Variants in BMPR1B observed in about 807,000 individuals in gnomAD.
The protein encoded by BMPR1B is bone morphogenetic protein receptor type-1B.
Under a neutral mutation model 59.1 loss-of-function variants are expected in BMPR1B, and 12 were observed. The ratio of observed to expected loss-of-function variants is 0.20; its 90% CI spans 0.13 to 0.33. The LOEUF (loss-of-function observed/expected upper bound fraction) is 0.33. Among genes scored for constraint, BMPR1B ranks in the 10% least tolerant of loss-of-function variants. BMPR1B has a pLI of 1.00. For missense variants in BMPR1B, 550 were observed against 610.9 expected, an observed-to-expected ratio of 0.90 and a Z score of 1.05; for synonymous variants, 237 against 207.3, an observed-to-expected ratio of 1.14 and a Z score of -1.23.
chr4:95,042,504 T>C lies in BMPR1B; in HGVS notation c.-18+46370T>C, dbSNP rs1037225529. On this transcript the variant is annotated intron_variant, in intron 3 of 12. Coordinates refer to ENST00000515059, the MANE Select transcript of BMPR1B (RefSeq NM_001203.3). ...GTGAAACATAAATGAATTTCATGTT[T>C]ACCCTTGGGTCCCATCCCCAAGATA... is the stretch of plus-strand genomic sequence containing the variant. Among the ~76,000 whole-genome samples, 6 of 152,344 alleles carry C rather than the reference T, an allele frequency of 3.9e-5. No individual in the cohort carries two copies. In the East Asian group the frequency reaches 1.2e-3, roughly 29 times the overall value.
At chr4:95,036,305 A>G (rs974454185) in intron 3 of BMPR1B, among the ~76,000 whole-genome samples, 3 of 152,014 alleles carry the variant, frequency 2.0e-5, no homozygotes, top group African/African-American at 7.2e-5. Context: ...ATTTTAAATT[A>G]ATTTCTCTCT....
chr4:94,950,131 G>A (rs185342196), intron 2 of BMPR1B, among the ~76,000 whole-genome samples: 2 of 151,972 alleles, frequency 1.3e-5, no homozygotes, highest in South Asian at 4.1e-4. Flanking sequence ...ACTTTTTGAT[G>A]GGGTTGTTTT....
chr4:94,841,373 T>G (rs926691141), intron 1 of BMPR1B, among the ~76,000 whole-genome samples: 17 of 150,532 alleles, frequency 1.1e-4, no homozygotes, highest in Non-Finnish European at 4.5e-5. Context: ...CGCTGCCGCC[T>G]TGCAGTTTGA....
chr4:94,841,932 C>T (rs946977408), intron 1 of BMPR1B, among the ~76,000 whole-genome samples: 1 of 152,094 alleles, frequency 6.6e-6, no homozygotes. Flanking sequence ...CTTAAAGGGA[C>T]TGACTGCTGG....
intron 2 of BMPR1B, among the ~76,000 whole-genome samples, chr4:94,983,095 C>A (rs1246600494): frequency 6.6e-6 from 1 of 152,078 alleles, no homozygotes; most frequent in Non-Finnish European, 1.5e-5. Context: ...AATGCTCTTC[C>A]TACAGGTCTT....
intron 1 of BMPR1B, among the ~76,000 whole-genome samples, chr4:94,852,838 T>C (rs1725617586): frequency 6.6e-6 from 1 of 152,214 alleles, no homozygotes; most frequent in Non-Finnish European, 1.5e-5. Context: ...GAAACATATT[T>C]CTGTTCTTAG....
chr4:95,135,001 C>T (rs1030785999), intron 10 of BMPR1B, among the ~76,000 whole-genome samples: 1 of 152,202 alleles, frequency 6.6e-6, no homozygotes, highest in Non-Finnish European at 1.5e-5. Context: ...TTAGGTCTCA[C>T]ATTTAAATCT....
At chr4:95,009,374 A>T (rs750502344) in intron 3 of BMPR1B, among the ~76,000 whole-genome samples, 3 of 152,208 alleles carry the variant, frequency 2.0e-5, no homozygotes, top group Non-Finnish European at 4.4e-5. Flanking sequence ...AGAAATCTGG[A>T]AACAACCCAA....
intron 2 of BMPR1B, among the ~76,000 whole-genome samples, chr4:94,886,703 C>T (rs1191327921): frequency 1.3e-5 from 2 of 152,152 alleles, no homozygotes; most frequent in Admixed American, 1.3e-4. Flanking sequence ...CACTTGAAGA[C>T]AGAGAATGAC....
intron 9 of BMPR1B, 138 bp from the exon 10 acceptor site, chr4:95,131,077 A>G (rs1733318919): frequency 1.1e-6 from 1 of 886,660 alleles, no homozygotes; most frequent in African/African-American, 1.7e-5. Flanking sequence ...GTCATTTAAT[A>G]CCATCATAGG....
intron 3 of BMPR1B, among the ~76,000 whole-genome samples, chr4:95,045,094 T>G (rs1226998307): frequency 3.3e-5 from 5 of 152,200 alleles, no homozygotes; most frequent in Non-Finnish European, 1.5e-5. Context: ...GTTATTAATG[T>G]GCCTGTGTGT....
intron 3 of BMPR1B, among the ~76,000 whole-genome samples, chr4:95,075,368 CTA>C (rs1481443363): frequency 1.4e-4 from 22 of 152,178 alleles, no homozygotes; most frequent in African/African-American, 5.3e-4. Flanking sequence ...AATAGTGAAT[CTA>C]TTGTTGGTCT....
chr4:95,140,219 A>G (rs1461250895), intron 10 of BMPR1B, among the ~76,000 whole-genome samples: 3 of 152,086 alleles, frequency 2.0e-5, no homozygotes, highest in Non-Finnish European at 4.4e-5. Flanking sequence ...GATAACATGC[A>G]TTTTTCAGAT....
intron 2 of BMPR1B, among the ~76,000 whole-genome samples, chr4:94,984,072 G>A (rs183286245): frequency 2.0e-5 from 3 of 152,262 alleles, no homozygotes; most frequent in Admixed American, 6.5e-5. Flanking sequence ...AATAAAAAAC[G>A]ATATACTAAG....
intron 1 of BMPR1B, among the ~76,000 whole-genome samples, chr4:94,778,895 T>G (rs1722486594): frequency 6.6e-6 from 1 of 151,940 alleles, no homozygotes; most frequent in Non-Finnish European, 1.5e-5. Context: ...TTAGTGACTT[T>G]TAGGGATTTT....
At chr4:94,865,969 C>G (rs890530614) in intron 1 of BMPR1B, among the ~76,000 whole-genome samples, 11 of 152,112 alleles carry the variant, frequency 7.2e-5, no homozygotes, top group African/African-American at 2.4e-4. Context: ...ACTGAGTACC[C>G]CCCAAGACAA....
intron 11 of BMPR1B, among the ~76,000 whole-genome samples, chr4:95,149,886 A>G (rs1043012366): frequency 1.3e-5 from 2 of 152,220 alleles, no homozygotes; most frequent in Non-Finnish European, 2.9e-5. Context: ...GATGAATTGA[A>G]TTATTGTATC....
intron 2 of BMPR1B, among the ~76,000 whole-genome samples, chr4:94,945,788 T>C (rs1729688018): frequency 6.6e-6 from 1 of 152,162 alleles, no homozygotes; most frequent in African/African-American, 2.4e-5. Flanking sequence ...AAAGCAAAAA[T>C]CAAGCATTTA....
At chr4:94,944,395 T>TA (rs978536187) in intron 2 of BMPR1B, among the ~76,000 whole-genome samples, 66 of 152,334 alleles carry the variant, frequency 4.3e-4, no homozygotes, top group African/African-American at 1.6e-3. Flanking sequence ...GGGATGAAAC[T>TA]ACTTAACATT....
Sources: gnomAD v4.1 joint callset for allele counts (sites outside exome capture counted in the v4.1 genomes callset) on GRCh38, gnomAD v4.1.1 for gene constraint, MANE v1.5 for transcripts, NCBI Gene and HGNC (gene_info 2026-07-23, HGNC 2026-07-21) for gene names.